The following PLAAT1 variants were observed in gnomAD, a reference collection of about 807,000 sequenced individuals.
The protein encoded by PLAAT1 is H-REV107 protein-related protein.
PLAAT1 carries 13 observed loss-of-function variants against 16.4 expected under a neutral mutation model. The ratio of observed to expected loss-of-function variants is 0.79; its 90% CI spans 0.52 to 1.26. PLAAT1 has a LOEUF of 1.26. PLAAT1 is among the 50% of genes most tolerant of loss of function. The pLI, the probability that PLAAT1 is intolerant of heterozygous loss-of-function variation, is 0.00. For missense variants in PLAAT1, 218 were observed against 207.8 expected, an observed-to-expected ratio of 1.05 and a Z score of -0.30; for synonymous variants, 73 against 78.4, an observed-to-expected ratio of 0.93 and a Z score of 0.36.
chr3:193,257,961 G>A (rs774001527), intron 2 of PLAAT1, among the ~76,000 whole-genome samples: 3 of 152,154 alleles, frequency 2.0e-5, no homozygotes, highest in Non-Finnish European at 4.4e-5. Context: ...TCAGGCCTTT[G>A]GCCACAGACT....
chr3:193,268,907 A>G (rs1716876104), intron 3 of PLAAT1, among the ~76,000 whole-genome samples: 1 of 151,928 alleles, frequency 6.6e-6, no homozygotes, highest in Non-Finnish European at 1.5e-5. Context: ...GGATCCTGCC[A>G]TTTTCCAAGG....
intron 1 of PLAAT1, among the ~76,000 whole-genome samples, chr3:193,242,565 TA>T (rs763938363): frequency 3.9e-5 from 6 of 152,010 alleles, no homozygotes; most frequent in Non-Finnish European, 7.4e-5. Context: ...ATGTAGAGAT[TA>T]ATAAGGATGC....
At chr3:193,262,922 C>A in intron 2 of PLAAT1, 48 bp from the exon 3 acceptor site, 2 of 1,589,622 alleles carry the variant, frequency 1.3e-6, no homozygotes, top group South Asian at 1.1e-5. Context: ...CAGTAGAGTT[C>A]ATTGGACTGG....
intron 1 of PLAAT1, among the ~76,000 whole-genome samples, chr3:193,251,006 G>T (rs539764916): frequency 2.0e-5 from 3 of 152,122 alleles, no homozygotes; most frequent in Non-Finnish European, 4.4e-5. Context: ...AGCGAGCAGG[G>T]GAAAGAAGTG....
downstream of PLAAT1, among the ~76,000 whole-genome samples, chr3:193,273,749 C>T (rs576017037): frequency 1.3e-4 from 20 of 152,052 alleles, 1 homozygote; most frequent in South Asian, 3.9e-3. Context: ...TAATAGTGTA[C>T]AGAATATATT....
downstream of PLAAT1, chr3:193,275,089 T>G (rs7428010): frequency 6.2e-7 from 1 of 1,614,218 alleles, no homozygotes; most frequent in Non-Finnish European, 8.5e-7. Context: ...CCTCCCAATT[T>G]GAGTTTTCTT....
downstream of PLAAT1, among the ~76,000 whole-genome samples, chr3:193,273,047 G>A (rs970204426): frequency 6.6e-6 from 1 of 152,152 alleles, no homozygotes; most frequent in African/African-American, 2.4e-5. Flanking sequence ...AATAAAGATC[G>A]TTATCCACCA....
intron 1 of PLAAT1, among the ~76,000 whole-genome samples, chr3:193,246,094 T>G (rs1176807553): frequency 6.6e-6 from 1 of 152,198 alleles, no homozygotes; most frequent in Non-Finnish European, 1.5e-5. Context: ...CCAGACTATG[T>G]TGAATAGCTG....
chr3:193,241,921 T>C (rs1715769569), intron 1 of PLAAT1, among the ~76,000 whole-genome samples: 2 of 152,212 alleles, frequency 1.3e-5, no homozygotes, highest in Non-Finnish European at 2.9e-5. Flanking sequence ...TTCTCTGGGC[T>C]TGGATTCCTC....
chr3:193,241,303 C>A lies in PLAAT1; in HGVS notation c.-231C>A. On this transcript the variant is annotated 5_prime_UTR_variant, in exon 1 of 4. Transcript: ENST00000264735. Reference sequence around the variant, plus strand: ...CCCCGGCGTGCGGGCGTCTCAGAGCCGCGGAGGGGCCGCCGGGACCGTTTC... The same window carrying A: ...CCCCGGCGTGCGGGCGTCTCAGAGCAGCGGAGGGGCCGCCGGGACCGTTTC... 8.1e-7 allele frequency: 1 copy of A among 1,230,970 alleles called. No homozygotes were observed. The highest frequency in any genetic ancestry group is 3.2e-5 in the East Asian group (1 of 31,626). The allele number at this position is 1,230,970 out of a possible 1,614,324, so 76.3% of individuals were successfully genotyped here.
downstream of PLAAT1, chr3:193,275,143 A>C (rs1717129337): frequency 4.3e-6 from 7 of 1,614,180 alleles, no homozygotes; most frequent in Non-Finnish European, 5.9e-6. Context: ...TTGATGTAGA[A>C]TCCATTTTTG....
intron 2 of PLAAT1, among the ~76,000 whole-genome samples, chr3:193,256,865 AG>A (rs1256531562): frequency 7.2e-5 from 11 of 152,226 alleles, no homozygotes; most frequent in Non-Finnish European, 1.5e-5. Context: ...TATTTTCAAT[AG>A]GGGAATGGTT....
intron 2 of PLAAT1, 95 bp from the exon 3 acceptor site, chr3:193,262,875 G>T (rs958419931): frequency 7.8e-7 from 1 of 1,275,066 alleles, no homozygotes; most frequent in Non-Finnish European, 1.1e-6. Context: ...ACAGGGCTAG[G>T]TTTAGACATG....
At chr3:193,256,177 T>C (rs1716367017) in intron 2 of PLAAT1, among the ~76,000 whole-genome samples, 1 of 152,208 alleles carries the variant, frequency 6.6e-6, no homozygotes, top group Non-Finnish European at 1.5e-5. Flanking sequence ...GCTGGGGGTA[T>C]ACAGACGTCT....
At chr3:193,280,353 C>CAGTGTGTGGCCAGTTAAACCAGTTAA (rs1717431274), downstream of PLAAT1, among the ~76,000 whole-genome samples, 1 of 152,066 alleles carries the variant, frequency 6.6e-6, no homozygotes, top group South Asian at 2.1e-4. Flanking sequence ...CCCTGGCCTC[C>CAGTGTGTGGCCAGTTAAACCAGTTAA]AATTTTTCTT....
chr3:193,254,173 A>T (rs1173902401), intron 1 of PLAAT1, among the ~76,000 whole-genome samples: 2 of 152,194 alleles, frequency 1.3e-5, no homozygotes, highest in African/African-American at 4.8e-5. Flanking sequence ...TTTTCAACAG[A>T]TGGACAGCTT....
chr3:193,249,437 G>A (rs9824804), intron 1 of PLAAT1, among the ~76,000 whole-genome samples: 61,234 of 151,840 alleles, frequency 0.4, 13,425 homozygotes, highest in Non-Finnish European at 0.48. Flanking sequence ...GATTTATAGC[G>A]GCTTTTGAAT....
At chr3:193,259,090 C>T (rs561666899) in intron 2 of PLAAT1, among the ~76,000 whole-genome samples, 10 of 152,230 alleles carry the variant, frequency 6.6e-5, no homozygotes, top group South Asian at 2.1e-4. Context: ...AAGATTGGTT[C>T]GACATACACA....
At chr3:193,243,283 A>G (rs1399282144) in intron 1 of PLAAT1, among the ~76,000 whole-genome samples, 1 of 152,238 alleles carries the variant, frequency 6.6e-6, no homozygotes, top group African/African-American at 2.4e-5. Flanking sequence ...CTTATGAAGC[A>G]CTGCATTACA....
Sources: allele counts gnomAD v4.1 joint callset (sites outside exome capture counted in the v4.1 genomes callset), GRCh38; gene constraint gnomAD v4.1.1; transcripts MANE v1.5; gene names NCBI Gene and HGNC (gene_info 2026-07-23, HGNC 2026-07-21).